GLMN: variants seen among roughly 807,000 people sequenced by gnomAD.
GLMN encodes the protein glomulin, FKBP associated protein.
Under a neutral mutation model 87.8 loss-of-function variants are expected in GLMN, and 75 were observed. The ratio of observed to expected loss-of-function variants is 0.85; its 90% confidence interval spans 0.71 to 1.04. GLMN has a LOEUF of 1.04. Ranked by LOEUF, GLMN falls within the 50% of genes least tolerant of loss-of-function variation. The pLI, the probability that GLMN is intolerant of heterozygous loss-of-function variation, is 0.00. For missense variants in GLMN, 588 were observed against 658.8 expected (o/e 0.89, Z 1.18); for synonymous variants, 206 against 221.6 (o/e 0.93, Z 0.63).
At chr1:92,314,074 C>T in the GLMN span, among the ~76,000 whole-genome samples, 1 of 152,186 alleles carries the variant, frequency 6.6e-6, no homozygotes, top group South Asian at 2.1e-4. Flanking sequence ...TCTATACCAG[C>T]AATAAGGCTG....
At chr1:92,295,523 G>A (rs1229933350) in intron 3 of GLMN, among the ~76,000 whole-genome samples, 1 of 152,016 alleles carries the variant, frequency 6.6e-6, no homozygotes, top group African/African-American at 2.4e-5. Flanking sequence ...CCTCTACTTA[G>A]GTTGCCTTTT....
At chr1:92,263,477 T>G (rs1465875037) in intron 15 of GLMN, 146 bp downstream of exon 15, 1 of 672,138 alleles carries the variant, frequency 1.5e-6, no homozygotes, top group Non-Finnish European at 2.7e-6. Context: ...ATCACTTAAA[T>G]ATGAAAAATC....
At chr1:92,259,039 C>T (rs192351626) in intron 16 of GLMN, among the ~76,000 whole-genome samples, 1 of 152,126 alleles carries the variant, frequency 6.6e-6, no homozygotes, top group African/African-American at 2.4e-5. Context: ...TTTAAAATTC[C>T]TGATATTTAC....
the GLMN span, among the ~76,000 whole-genome samples, chr1:92,321,044 A>G: frequency 1.3e-5 from 2 of 152,230 alleles, no homozygotes; most frequent in African/African-American, 4.8e-5. Flanking sequence ...GCATTAATAT[A>G]AATTCCAAGT....
the GLMN span, among the ~76,000 whole-genome samples, chr1:92,362,423 A>G: frequency 3.9e-5 from 6 of 152,208 alleles, no homozygotes; most frequent in African/African-American, 1.4e-4. Context: ...ACAAGCCAGA[A>G]TGGTGAAAAA....
intron 3 of GLMN, among the ~76,000 whole-genome samples, chr1:92,292,378 C>G (rs1333299190): frequency 6.6e-6 from 1 of 151,712 alleles, no homozygotes. Context: ...CTAGTGAGAC[C>G]CTGTCTCTGT....
chr1:92,303,852 C>T, upstream of GLMN: 1 of 543,636 alleles, frequency 1.8e-6, no homozygotes, highest in South Asian at 4.0e-5. Context: ...ATTCTAACCT[C>T]TAACTTATGA....
chr1:92,320,571 A>C, the GLMN span: 2 of 1,606,322 alleles, frequency 1.2e-6, no homozygotes, highest in East Asian at 2.2e-5. Context: ...CACCCGGCCT[A>C]ATTTTTATTT....
At chr1:92,298,877 C>A (rs1650517325) in intron 1 of GLMN, 48 bp downstream of exon 1, 1 of 405,402 alleles carries the variant, frequency 2.5e-6, no homozygotes, top group Non-Finnish European at 4.4e-6. Context: ...CGGCTCACGG[C>A]CAACCGCGAG....
the GLMN span, among the ~76,000 whole-genome samples, chr1:92,327,542 G>A: frequency 2.0e-5 from 3 of 152,164 alleles, no homozygotes; most frequent in African/African-American, 7.2e-5. Flanking sequence ...AAGTTTATGT[G>A]AATCCTTATG....
chr1:92,264,430 T>C lies in GLMN; in HGVS notation c.1299+124A>G, dbSNP rs530557433. 6.4e-6 allele frequency: 4 copies of C among 624,908 alleles called. No homozygotes were observed. In the South Asian group the frequency reaches 7.8e-5, roughly 12 times the overall value. 38.7% of individuals were successfully genotyped at this position (624,908 alleles called of 1,614,324 possible). A position where few individuals can be genotyped will look rare whatever the true frequency, so the allele number is the denominator to read the frequency against. ...GTAGAAATAGGGGAAAAAATATGCCTTAATAATATTTAAGTAATAGTAATA... is the reference window on the plus strand; with the variant it reads ...GTAGAAATAGGGGAAAAAATATGCCCTAATAATATTTAAGTAATAGTAATA... On this transcript the variant is annotated intron_variant, in intron 14 of 18. Coordinates refer to ENST00000370360, the MANE Select transcript of GLMN (RefSeq NM_053274.3).
chr1:92,342,799 A>G, the GLMN span, among the ~76,000 whole-genome samples: 1 of 152,102 alleles, frequency 6.6e-6, no homozygotes, highest in Non-Finnish European at 1.5e-5. Context: ...TTGTGGCCTG[A>G]GCAACTGGAT....
chr1:92,306,737 G>T, the GLMN span, among the ~76,000 whole-genome samples: 1 of 152,068 alleles, frequency 6.6e-6, no homozygotes, highest in Non-Finnish European at 1.5e-5. Flanking sequence ...TACTCAGGAG[G>T]CTGAAACCAG....
At chr1:92,294,830 C>T (rs190727619) in intron 3 of GLMN, among the ~76,000 whole-genome samples, 58 of 152,254 alleles carry the variant, frequency 3.8e-4, no homozygotes, top group African/African-American at 1.1e-3. Flanking sequence ...AGGGGCGCAC[C>T]ATCACGCCCA....
At chr1:92,351,999 T>G in the GLMN span, among the ~76,000 whole-genome samples, 72,453 of 151,898 alleles carry the variant, frequency 0.48, 18,286 homozygotes, top group East Asian at 0.96. Context: ...ATGAAGGAGA[T>G]GAGTACTTTG....
chr1:92,356,758 T>A, the GLMN span, among the ~76,000 whole-genome samples: 4 of 150,866 alleles, frequency 2.7e-5, no homozygotes, highest in East Asian at 8.1e-4. Flanking sequence ...TATTCTCTAC[T>A]TTTTTTGTCT....
chr1:92,297,724 A>G, intron 2 of GLMN, 195 bp from the exon 3 acceptor site: 1 of 638,184 alleles, frequency 1.6e-6, no homozygotes, highest in Non-Finnish European at 2.8e-6. Context: ...CTTGAAATCT[A>G]CTGTACCAGT....
At chr1:92,323,910 T>G in the GLMN span, 2 of 1,614,004 alleles carry the variant, frequency 1.2e-6, no homozygotes, top group African/African-American at 2.7e-5. Context: ...TAGGCATAAG[T>G]AAGAAAAGTG....
chr1:92,280,643 G>A lies in GLMN; in HGVS notation c.735+5847C>T, dbSNP rs529773432. ...TGATGAGTTGACAGAAGTAGGCTTC[G>A]GAAGGTCGGTAATAACAAACTTCTC... On this transcript the variant is annotated intron_variant, in intron 7 of 18. Coordinates refer to ENST00000370360, the MANE Select transcript of GLMN (RefSeq NM_053274.3). Among the ~76,000 whole-genome samples, 5 of 152,124 alleles carry A rather than the reference G, an allele frequency of 3.3e-5. No homozygotes were observed. The East Asian group carries it at 9.7e-4, about 29-fold the overall frequency.
Sources: gnomAD v4.1 joint callset for allele counts (sites outside exome capture counted in the v4.1 genomes callset) on GRCh38, gnomAD v4.1.1 for gene constraint, MANE v1.5 for transcripts, NCBI Gene and HGNC (gene_info 2026-07-23, HGNC 2026-07-21) for gene names.